The following BCAM variants were observed in gnomAD, a reference collection of about 807,000 sequenced individuals.
The protein encoded by BCAM is basal cell adhesion molecule.
Under a neutral mutation model 72.4 loss-of-function variants are expected in BCAM, and 61 were observed. That is an observed-to-expected ratio of 0.84 (90% CI 0.69 to 1.04). The LOEUF (loss-of-function observed/expected upper bound fraction) is 1.04, where lower values mean the gene tolerates loss of function less well. Among genes scored for constraint, BCAM ranks in the 50% least tolerant of loss-of-function variants. The pLI is 0.00. For missense variants in BCAM, 909 were observed against 895.0 expected, an observed-to-expected ratio of 1.02 and a Z score of -0.20; for synonymous variants, 408 against 384.2, an observed-to-expected ratio of 1.06 and a Z score of -0.73.
At position 44,812,259 on chromosome 19, in the gene BCAM, C is replaced by T; in HGVS notation, c.301C>T (p.Pro101Ser). 2 of 1,610,262 alleles carry T rather than the reference C, an allele frequency of 1.2e-6. No individual in the cohort carries two copies. Among genetic ancestry groups the T allele is most frequent in the Non-Finnish European group, 1.7e-6 (2 of 1,178,094 alleles). ...GCACGACACCCGGGGCCGCAGTCCCCCATACCAGCTGGACTCCCAGGGGCG... is the reference window on the plus strand; with the variant it reads ...GCACGACACCCGGGGCCGCAGTCCCTCATACCAGCTGGACTCCCAGGGGCG... ...TMHDTRGRSP[P>S]YQLDSQGRLV... Residue 101 changes from proline to serine, a missense_variant, in exon 3 of 15, where the codon CCA becomes TCA. Transcript: ENST00000270233. The surrounding 1 kb of genome is among the most constrained non-coding windows in gnomAD (Gnocchi z 5.3).
rs1568574083 is a variant in BCAM at position 44,818,565 on chromosome 19, AC to A, written c.1124del (p.Pro375LeufsTer2). ...TCAGCGAGGGGAAGGTGCTTTCCTT[AC>A]CTCTAAACAGCAGTGCAGTCGTGAA... Reference protein sequence around the residue: ...ELSEGKVLSLPLNSSAVVNCS... With the variant: ...ELSEGKVLSLXLNSSAVVNCS... On this transcript the variant is annotated frameshift_variant, in exon 9 of 15. Coordinates refer to ENST00000270233, the MANE Select transcript of BCAM (RefSeq NM_005581.5). LOFTEE classifies it high-confidence loss of function. This position sits in a 1 kb window ranked among gnomAD's most constrained non-coding sequence, Gnocchi z 4.6. The A allele has an allele frequency of 6.2e-7, 1 of 1,613,806 alleles. No individual in the cohort carries two copies. Among genetic ancestry groups the A allele is most frequent in the South Asian group, 1.1e-5 (1 of 91,060 alleles).
chr19:44,812,901 G>A lies in BCAM; in HGVS notation c.505-349G>A. The A allele has an allele frequency of 5.0e-6, 2 of 396,804 alleles. No individual in the cohort carries two copies. Among genetic ancestry groups the A allele is most frequent in the Admixed American group, 4.5e-5 (1 of 22,038 alleles). The allele number at this position is 396,804 out of a possible 1,614,324, so 24.6% of individuals were successfully genotyped here. A position where few individuals can be genotyped will look rare whatever the true frequency, so the allele number is the denominator to read the frequency against. On this transcript the variant is annotated intron_variant, in intron 4 of 14. Transcript: ENST00000270233. This position sits in a 1 kb window ranked among gnomAD's most constrained non-coding sequence, Gnocchi z 5.3. ...GAAGGCAGAGGCTACAGTGAGCTAA[G>A]ATCACACCACTGCACTCCAGCCTGG...
rs779988721 is a variant in BCAM at position 44,813,459 on chromosome 19, C to T, written c.623C>T (p.Thr208Met). 30 of 1,611,304 alleles carry T rather than the reference C, an allele frequency of 1.9e-5. No homozygotes were observed. Among genetic ancestry groups the T allele is most frequent in the African/African-American group, 1.3e-4 (10 of 74,918 alleles). The change falls in exon 6 of 15, where the codon ACG becomes ATG. Residue 208 changes from threonine (T) to methionine (M), a missense_variant. Thr to Met is a moderately conservative substitution (Grantham distance 81, BLOSUM62 -1). Coordinates refer to ENST00000270233, the MANE Select transcript of BCAM (RefSeq NM_005581.5). The surrounding 1 kb of genome is among the most constrained non-coding windows in gnomAD (Gnocchi z 4.2). ...CCAGAGGGCTACATGACCAGCCGCA[C>T]GGTCCGGGAGGCCTCGGGCCTGCTC... ...MNPEGYMTSR[T>M]VREASGLLSL...
Position 44,818,665 on chromosome 19 carries a change from C to T in BCAM, c.1194+28C>T. ...GAGAGGGAGAGGAGCCCCCTCGGGC[C>T]CTGCACTCGCACCCTCCTCTCTCCC... On this transcript the variant is annotated intron_variant, in intron 9 of 14. Coordinates refer to ENST00000270233, the MANE Select transcript of BCAM (RefSeq NM_005581.5). The surrounding 1 kb of genome is among the most constrained non-coding windows in gnomAD (Gnocchi z 4.6). 1 of 1,612,126 alleles carries T rather than the reference C, an allele frequency of 6.2e-7. No homozygotes were observed. Among genetic ancestry groups the T allele is most frequent in the Admixed American group, 1.7e-5 (1 of 59,946 alleles).
intron 2 of BCAM, chr19:44,811,856 G>C: frequency 2.2e-6 from 1 of 452,580 alleles, no homozygotes; most frequent in Admixed American, 4.2e-5. Context: ...ATGCTCTCCA[G>C]CCAGGCGACA....
In BCAM at chr19:44,813,297, G is replaced by A. The variant is rs575984275; in HGVS notation, c.552G>A (p.Thr184=). 1.2e-5 allele frequency: 19 copies of A among 1,614,126 alleles called. No homozygotes were observed. The East Asian group carries it at 1.6e-4, about 13-fold the overall frequency. Residue 184 remains threonine, a synonymous_variant, in exon 5 of 15, where the codon ACG becomes ACA. Coordinates refer to ENST00000270233, the MANE Select transcript of BCAM (RefSeq NM_005581.5). The surrounding 1 kb of genome is among the most constrained non-coding windows in gnomAD (Gnocchi z 4.2). ...SRNGNPAPKI[T]WYRNGQRLEV... ...ACGGGAACCCGGCCCCCAAGATCAC[G>A]TGGTATCGCAACGGGCAGCGCCTGG...
chr19:44,819,722 G>T lies in BCAM; in HGVS notation c.1759G>T (p.Ala587Ser). The T allele has an allele frequency of 6.3e-7, 1 of 1,599,728 alleles. No homozygotes were observed. The highest frequency in any genetic ancestry group is 1.1e-5 in the South Asian group (1 of 89,648). ...PCCRQRREKG[A>S]PPPGEPGLSH... The stretch of plus-strand genomic sequence containing the variant: ...CTGCCGCCAGCGGCGGGAGAAGGGG[G>T]CTCCGTGAGTGGCCTGCTATCTGCA... Residue 587 changes from alanine to serine, a missense_variant, in exon 13 of 15, where the codon GCT becomes TCT. Transcript: ENST00000270233.
Position 44,809,203 on chromosome 19 carries a change from C to G in BCAM, c.79C>G (p.Pro27Ala). 1 of 1,473,510 alleles carries G rather than the reference C, an allele frequency of 6.8e-7. No individual in the cohort carries two copies. Among genetic ancestry groups the G allele is most frequent in the South Asian group, 1.3e-5 (1 of 77,420 alleles). The allele number at this position is 1,473,510 out of a possible 1,614,324, so 91.3% of individuals were successfully genotyped here. A position where few individuals can be genotyped will look rare whatever the true frequency, so the allele number is the denominator to read the frequency against. ...LLLAVLLAAH[P>A]DAQAEVRLSV... The stretch of plus-strand genomic sequence containing the variant: ...GCTCGCAGTCCTGCTGGCGGCGCAC[C>G]CAGGTATGGCTCGGGCTGAGGGCAA... Residue 27 changes from proline to alanine, a missense_variant, in exon 1 of 15, where the codon CCA becomes GCA. Pro to Ala is a conservative substitution (Grantham distance 27). Transcript: ENST00000270233.
chr19:44,812,949 CAAAA>C lies in BCAM; in HGVS notation c.505-287_505-284del, dbSNP rs1207051227. The C allele has an allele frequency of 4.7e-3, 920 of 194,674 alleles. No individual in the cohort carries two copies. The highest frequency in any genetic ancestry group is 5.4e-3 in the South Asian group (86 of 15,822). 12.1% of individuals were successfully genotyped at this position (194,674 alleles called of 1,614,324 possible). A position where few individuals can be genotyped will look rare whatever the true frequency, so the allele number is the denominator to read the frequency against. On this transcript the variant is annotated intron_variant, in intron 4 of 14. Coordinates refer to ENST00000270233, the MANE Select transcript of BCAM (RefSeq NM_005581.5). The surrounding 1 kb of genome is among the most constrained non-coding windows in gnomAD (Gnocchi z 5.3). Reference sequence around the variant, plus strand: ...TGGGCCACAGAGCAATACTCCGTCTCAAAAAAAAAAAAAAAAAGAAGAAGAAAAG... The same window carrying C: ...TGGGCCACAGAGCAATACTCCGTCTCAAAAAAAAAAAAAGAAGAAGAAAAG...
rs1276104792 is a variant in BCAM, at chr19:44,813,567, C to T, written c.731C>T (p.Pro244Leu). ...SFHCAAHYSL[P>L]EGRHGRLDSP... Reference sequence around the variant, plus strand: ...CACTGCGCCGCCCACTACAGCCTGCCCGAGGGCCGCCACGGCCGCCTGGAC... The same window carrying T: ...CACTGCGCCGCCCACTACAGCCTGCTCGAGGGCCGCCACGGCCGCCTGGAC... The change falls in exon 6 of 15, where the codon CCC (proline) becomes CTC (leucine). Residue 244 changes from proline to leucine, a missense_variant. Transcript: ENST00000270233. The surrounding 1 kb of genome is among the most constrained non-coding windows in gnomAD (Gnocchi z 4.2). The T allele has an allele frequency of 3.1e-6, 5 of 1,612,526 alleles. No individual in the cohort carries two copies. In the Admixed American group the frequency reaches 5.0e-5, roughly 16 times the overall value.
At position 44,814,204 on chromosome 19, in the gene BCAM, C is replaced by T. The variant is rs1202508678; in HGVS notation, c.837C>T (p.Gly279=). The change falls in exon 7 of 15, where the codon GGC becomes GGT. Residue 279 remains glycine, a synonymous_variant. Coordinates refer to ENST00000270233, the MANE Select transcript of BCAM (RefSeq NM_005581.5). The surrounding 1 kb of genome is among the most constrained non-coding windows in gnomAD (Gnocchi z 4.6). The part of the protein sequence containing the change: ...FWVGSPSTPA[G]WVREGDTVQL... Reference sequence around the variant, plus strand: ...TGGGCAGCCCGTCCACCCCAGCAGGCTGGGTACGCGAGGGTGACACTGTCC... The same window carrying T: ...TGGGCAGCCCGTCCACCCCAGCAGGTTGGGTACGCGAGGGTGACACTGTCC... 2 of 1,585,422 alleles carry T rather than the reference C, an allele frequency of 1.3e-6. No homozygotes were observed. The highest frequency in any genetic ancestry group is 8.5e-7 in the Non-Finnish European group (1 of 1,171,512).
At position 44,812,387 on chromosome 19, in the gene BCAM, G is replaced by A. The variant is rs1968436373; in HGVS notation, c.429G>A (p.Val143=). The A allele has an allele frequency of 1.9e-6, 3 of 1,614,102 alleles. No individual in the cohort carries two copies. The highest frequency in any genetic ancestry group is 2.5e-6 in the Non-Finnish European group (3 of 1,179,964). Residue 143 remains valine (V), a synonymous_variant, in exon 3 of 15, where the codon GTG becomes GTA. Transcript: ENST00000270233. This position sits in a 1 kb window ranked among gnomAD's most constrained non-coding sequence, Gnocchi z 5.3. ...CTGAGGCCACTGCGCGGCTCAACGT[G>A]TTTGGTAAGTGTCCTCGGGCATCCC... ...GTAEATARLN[V]FAKPEATEVS...
intron 13 of BCAM, chr19:44,820,176 A>G (rs574358986): frequency 5.1e-6 from 5 of 983,040 alleles, no homozygotes; most frequent in Non-Finnish European, 6.0e-6. Flanking sequence ...TCCTCCCCCA[A>G]CCTCCAGCCC....
At position 44,813,460 on chromosome 19, in the gene BCAM, G is replaced by A. The variant is rs542696278; in HGVS notation, c.624G>A (p.Thr208=). 89 of 1,611,458 alleles carry A rather than the reference G, an allele frequency of 5.5e-5. 1 individual carries two copies. The South Asian group carries it at 7.0e-4, about 13-fold the overall frequency. The change falls in exon 6 of 15, where the codon ACG becomes ACA. Residue 208 remains threonine, a synonymous_variant. Transcript: ENST00000270233. This position sits in a 1 kb window ranked among gnomAD's most constrained non-coding sequence, Gnocchi z 4.2. ...MNPEGYMTSR[T]VREASGLLSL... ...CAGAGGGCTACATGACCAGCCGCAC[G>A]GTCCGGGAGGCCTCGGGCCTGCTCT...
intron 1 of BCAM, 100 bp downstream of exon 1, chr19:44,809,306 A>G (rs1400479183): frequency 3.0e-5 from 31 of 1,030,390 alleles, no homozygotes; most frequent in Admixed American, 4.2e-5. Context: ...AGGAAGCAAA[A>G]TGTGGGGACC....
At chr19:44,809,066 T>C (rs1421344494), upstream of BCAM, 17 of 1,255,776 alleles carry the variant, frequency 1.4e-5, no homozygotes, top group Admixed American at 4.2e-5. Flanking sequence ...GGCCTCTGGC[T>C]CCCAGCCCCG....
Position 44,809,155 on chromosome 19 carries a change from C to A in BCAM, c.31C>A (p.Arg11Ser). MEPPDAPAQA[R>S]GAPRLLLLAV... ...GCCCCCGGACGCACCGGCCCAGGCGCGCGGGGCCCCGCGGCTGCTGTTGCT... is the reference window on the plus strand; with the variant it reads ...GCCCCCGGACGCACCGGCCCAGGCGAGCGGGGCCCCGCGGCTGCTGTTGCT... Residue 11 changes from arginine to serine, a missense_variant, in exon 1 of 15, where the codon CGC becomes AGC. Physicochemically the swap from Arg to Ser is moderately radical, Grantham distance 110 (BLOSUM62 -1). Transcript: ENST00000270233. The A allele has an allele frequency of 6.8e-7, 1 of 1,473,062 alleles. No homozygotes were observed. 91.2% of individuals were successfully genotyped at this position (1,473,062 alleles called of 1,614,324 possible).
Position 44,813,624 on chromosome 19 carries a change from A to G in BCAM, c.784+4A>G. 1.9e-6 allele frequency: 3 copies of G among 1,611,066 alleles called. No homozygotes were observed. Among genetic ancestry groups the G allele is most frequent in the Non-Finnish European group, 1.7e-6 (2 of 1,179,292 alleles). On this transcript the variant is annotated splice_donor_region_variant and intron_variant, in intron 6 of 14. Transcript: ENST00000270233. This position sits in a 1 kb window ranked among gnomAD's most constrained non-coding sequence, Gnocchi z 4.2. ...ACCTTCCACCTCACCCTGCACTGTG[A>G]GTCTGTGCTGGCCTTTGACCTCTGA...
intron 12 of BCAM, 29 bp downstream of exon 12, chr19:44,819,519 C>T (rs1968550976): frequency 6.2e-7 from 1 of 1,613,566 alleles, no homozygotes; most frequent in African/African-American, 1.3e-5. Context: ...GGCAGAGGAG[C>T]CGGGTGTGGG....
Sources: gnomAD v4.1 joint callset for allele counts on GRCh38, gnomAD v4.1.1 for gene constraint, Gnocchi (gnomAD v3.1) non-coding constraint, MANE v1.5 for transcripts, NCBI Gene and HGNC (gene_info 2026-07-23, HGNC 2026-07-21) for gene names.